The following SIPA1L2 variants were observed in gnomAD, a reference collection of about 807,000 sequenced individuals.
SIPA1L2 encodes signal-induced proliferation-associated 1-like protein 2.
SIPA1L2 carries 56 observed loss-of-function variants against 163.9 expected under a neutral mutation model. The observed-to-expected ratio is 0.34, with a 90% CI of 0.28 to 0.43. The LOEUF (loss-of-function observed/expected upper bound fraction) is 0.43, where lower values mean the gene tolerates loss of function less well. SIPA1L2 is among the 20% of genes least tolerant of loss of function. The pLI, the probability that SIPA1L2 is intolerant of heterozygous loss-of-function variation, is 1.00. For synonymous variants in SIPA1L2, 877 were observed against 865.7 expected, an observed-to-expected ratio of 1.01 and a Z score of -0.23; for missense variants, 1,974 against 2,193.5, an observed-to-expected ratio of 0.90 and a Z score of 2.00.
chr1:232,406,074 T>C (rs953958665), intron 19 of SIPA1L2, among the ~76,000 whole-genome samples: 1 of 152,230 alleles, frequency 6.6e-6, no homozygotes, highest in African/African-American at 2.4e-5. Context: ...GCAAAGAGGA[T>C]GCTATTTGAT....
chr1:232,616,549 C>T (rs1022974464), intron 1 of SIPA1L2, among the ~76,000 whole-genome samples: 1 of 152,218 alleles, frequency 6.6e-6, no homozygotes, highest in Non-Finnish European at 1.5e-5. Flanking sequence ...AGGCTGGGCC[C>T]TATGGTGGCA....
chr1:232,554,040 T>C (rs772334208), intron 2 of SIPA1L2, among the ~76,000 whole-genome samples: 1 of 152,174 alleles, frequency 6.6e-6, no homozygotes, highest in Non-Finnish European at 1.5e-5. Flanking sequence ...TATAAACTAC[T>C]GCAGGAGGCA....
rs1019114258 is a variant in SIPA1L2 at position 232,399,062 on chromosome 1, C to T, written c.*65G>A. The T allele has an allele frequency of 1.2e-6, 2 of 1,604,558 alleles. No homozygotes were observed. Among genetic ancestry groups the T allele is most frequent in the Non-Finnish European group, 1.7e-6 (2 of 1,174,004 alleles). ...TGGTTGAAAGCACACAGAAAAACCA[C>T]ATGTTTGTGACTTCAAAGGGACAAG... On this transcript the variant is annotated 3_prime_UTR_variant, in exon 23 of 23. Transcript: ENST00000674635.
At chr1:232,459,995 C>T (rs1439359931) in intron 10 of SIPA1L2, among the ~76,000 whole-genome samples, 2 of 152,064 alleles carry the variant, frequency 1.3e-5, no homozygotes, top group Non-Finnish European at 2.9e-5. Flanking sequence ...CCAGGCCACA[C>T]AGCAAATTCC....
intron 7 of SIPA1L2, among the ~76,000 whole-genome samples, chr1:232,477,492 A>C (rs1009182168): frequency 1.3e-5 from 2 of 152,198 alleles, no homozygotes; most frequent in Non-Finnish European, 2.9e-5. Flanking sequence ...TGTTCTGGGC[A>C]CACAGGGACA....
rs191577614 is a variant in SIPA1L2, at chr1:232,553,387, G to C, written c.-270+20787C>G. On this transcript the variant is annotated intron_variant, in intron 2 of 22. Transcript: ENST00000674635. ...GGTTTATATGGGTACAGGACGGGGG[G>C]GCGTAGTGGGCCAAAAGACAACATT... Among the ~76,000 whole-genome samples the C allele has an allele frequency of 1.9e-4, 29 of 152,242 alleles. No individual in the cohort carries two copies. In the East Asian group the frequency reaches 3.7e-3, roughly 19 times the overall value.
In SIPA1L2 at chr1:232,432,308, C is replaced by T. The variant is rs200136990; in HGVS notation, c.4195G>A (p.Gly1399Ser). 1.1e-5 allele frequency: 17 copies of T among 1,614,104 alleles called. No homozygotes were observed. The highest frequency in any genetic ancestry group is 1.6e-4 in the Middle Eastern group (1 of 6,062). Residue 1399 changes from glycine (G) to serine (S), a missense_variant, in exon 16 of 23, where the codon GGC (glycine) becomes AGC (serine). Physicochemically the swap from Gly to Ser is moderately conservative, Grantham distance 56 (BLOSUM62 0). Coordinates refer to ENST00000674635, the MANE Select transcript of SIPA1L2 (RefSeq NM_020808.5). ...GGGCTGCCCTCCGATTTCTTCCAGC[C>T]GATGACATATTTGTTCACTGCCCCT... is the stretch of plus-strand genomic sequence containing the variant. ...RQGAVNKYVI[G>S]WKKSEGSPPP... is the part of the protein sequence containing the mutation.
intron 2 of SIPA1L2, among the ~76,000 whole-genome samples, chr1:232,534,137 A>G (rs1019943328): frequency 2.0e-5 from 3 of 152,200 alleles, no homozygotes; most frequent in African/African-American, 7.2e-5. Flanking sequence ...TGAATATAAA[A>G]CTTATTACAA....
Position 232,532,762 on chromosome 1 carries a change from G to T in SIPA1L2, c.-269-17154C>A, listed in dbSNP as rs372401104. The stretch of plus-strand genomic sequence containing the variant: ...TTAGCTGCTATATGACCCAATCACG[G>T]CAAATGCCCAGAGTAATATAAGCAA... On this transcript the variant is annotated intron_variant, in intron 2 of 22. Coordinates refer to ENST00000674635, the MANE Select transcript of SIPA1L2 (RefSeq NM_020808.5). Among the ~76,000 whole-genome samples, 10 of 152,172 alleles carry T rather than the reference G, an allele frequency of 6.6e-5. 1 individual carries two copies. Among genetic ancestry groups the T allele is most frequent in the African/African-American group, 2.4e-4 (10 of 41,490 alleles).
intron 18 of SIPA1L2, among the ~76,000 whole-genome samples, chr1:232,424,730 A>G (rs1042612047): frequency 6.6e-6 from 1 of 152,194 alleles, no homozygotes; most frequent in African/African-American, 2.4e-5. Context: ...TATGTTAAAC[A>G]TTGGAAATAT....
At chr1:232,615,160 G>A (rs1029530672) in intron 1 of SIPA1L2, among the ~76,000 whole-genome samples, 5 of 152,196 alleles carry the variant, frequency 3.3e-5, no homozygotes, top group African/African-American at 1.2e-4. Context: ...AAGAGCCCAA[G>A]AATGGTGGCC....
At chr1:232,612,593 G>A (rs986779059) in intron 1 of SIPA1L2, among the ~76,000 whole-genome samples, 2 of 152,180 alleles carry the variant, frequency 1.3e-5, no homozygotes, top group African/African-American at 4.8e-5. Context: ...ACTTGCATGG[G>A]CCCTGTAACC....
At chr1:232,487,632 A>G (rs1216076691) in intron 5 of SIPA1L2, among the ~76,000 whole-genome samples, 1 of 152,192 alleles carries the variant, frequency 6.6e-6, no homozygotes, top group East Asian at 1.9e-4. Context: ...CCTTTTTAAA[A>G]AGGAAAAATG....
intron 2 of SIPA1L2, among the ~76,000 whole-genome samples, chr1:232,522,079 G>T (rs1378724442): frequency 2.0e-5 from 3 of 151,954 alleles, no homozygotes; most frequent in African/African-American, 7.3e-5. Context: ...ATTCAATCCT[G>T]CCCATTTTAC....
At chr1:232,573,780 T>A (rs2027101) in intron 2 of SIPA1L2, among the ~76,000 whole-genome samples, 36,645 of 152,042 alleles carry the variant, frequency 0.24, 4,647 homozygotes, top group South Asian at 0.37. Flanking sequence ...CACATCCTAT[T>A]CGGGGAGAGA....
chr1:232,445,929 C>T lies in SIPA1L2; in HGVS notation c.3096-143G>A. On this transcript the variant is annotated intron_variant, in intron 10 of 22. Transcript: ENST00000674635. ...AGTCAATGATGCAGAGCGATCCACCCTTAGGAGCATCTCACCTATAATAAA... is the reference window on the plus strand; with the variant it reads ...AGTCAATGATGCAGAGCGATCCACCTTTAGGAGCATCTCACCTATAATAAA... The T allele has an allele frequency of 6.5e-6, 5 of 767,582 alleles. No individual in the cohort carries two copies. The South Asian group carries it at 8.7e-5, about 13-fold the overall frequency. The allele number at this position is 767,582 out of a possible 1,614,324, so 47.5% of individuals were successfully genotyped here. A position where few individuals can be genotyped will look rare whatever the true frequency, so the allele number is the denominator to read the frequency against.
chr1:232,406,968 G>A (rs547430087), intron 19 of SIPA1L2, among the ~76,000 whole-genome samples: 23 of 152,286 alleles, frequency 1.5e-4, no homozygotes, highest in African/African-American at 5.5e-4. Context: ...TGTGCTTATT[G>A]CATTGCAGAA....
At chr1:232,468,009 T>C (rs1165856739) in intron 8 of SIPA1L2, among the ~76,000 whole-genome samples, 2 of 152,194 alleles carry the variant, frequency 1.3e-5, no homozygotes, top group African/African-American at 2.4e-5. Context: ...AACTGTATTC[T>C]TGCACATCTC....
chr1:232,597,263 CAGCCCCCAAACACAAACAATCCAG>C (rs1294520967), intron 1 of SIPA1L2, among the ~76,000 whole-genome samples: 1 of 152,098 alleles, frequency 6.6e-6, no homozygotes, highest in Non-Finnish European at 1.5e-5. Flanking sequence ...GCCTGGATGG[CAGCCCCCAAACACAAACAATCCAG>C]AGGAAAAGGC....
Sources: allele counts gnomAD v4.1 joint callset (sites outside exome capture counted in the v4.1 genomes callset), GRCh38; gene constraint gnomAD v4.1.1; transcripts MANE v1.5; gene names NCBI Gene and HGNC (gene_info 2026-07-23, HGNC 2026-07-21).